TSPAN5: variants seen among roughly 807,000 people sequenced by gnomAD.
The protein encoded by TSPAN5 is tetraspanin-5.
Under a neutral mutation model 37.1 loss-of-function variants are expected in TSPAN5, and 10 were observed. The observed-to-expected ratio is 0.27, with a 90% CI of 0.17 to 0.46. The LOEUF (loss-of-function observed/expected upper bound fraction) is 0.46, where lower values mean the gene tolerates loss of function less well. Among genes scored for constraint, TSPAN5 ranks in the 20% least tolerant of loss-of-function variants. The pLI is 1.00. For synonymous variants in TSPAN5, 110 were observed against 118.9 expected, an observed-to-expected ratio of 0.93 and a Z score of 0.48; for missense variants, 195 against 326.6, an observed-to-expected ratio of 0.60 and a Z score of 3.11.
intron 1 of TSPAN5, among the ~76,000 whole-genome samples, chr4:98,636,688 T>C (rs1756862694): frequency 1.3e-5 from 2 of 152,198 alleles, no homozygotes. Flanking sequence ...GTAAAACTGC[T>C]GGAAAAAAAT....
intron 1 of TSPAN5, among the ~76,000 whole-genome samples, chr4:98,653,683 G>T (rs576658687): frequency 6.6e-6 from 1 of 152,202 alleles, no homozygotes; most frequent in East Asian, 1.9e-4. Flanking sequence ...CAACAGTAAT[G>T]ATATTCACTA....
chr4:98,600,439 C>A (rs1560553776), intron 1 of TSPAN5, among the ~76,000 whole-genome samples: 1 of 152,126 alleles, frequency 6.6e-6, no homozygotes, highest in East Asian at 1.9e-4. Flanking sequence ...CTTCTCAAAC[C>A]CTGTTTTATC....
Position 98,613,845 on chromosome 4 carries a change from T to G in TSPAN5, c.81+44301A>C, listed in dbSNP as rs540482620. ...GGTCGCTGTTACTACTAAATACCAG[T>G]TTTTCATTTCAAAGATTCCCCCCCC... is the stretch of plus-strand genomic sequence containing the variant. On this transcript the variant is annotated intron_variant, in intron 1 of 7. Coordinates refer to ENST00000305798, the MANE Select transcript of TSPAN5 (RefSeq NM_005723.4). Among the ~76,000 whole-genome samples the G allele has an allele frequency of 1.5e-3, 234 of 152,190 alleles. 1 individual carries two copies. Among genetic ancestry groups the G allele is most frequent in the Admixed American group, 5.4e-3 (83 of 15,292 alleles).
At chr4:98,511,044 C>T (rs996117889) in intron 1 of TSPAN5, among the ~76,000 whole-genome samples, 24 of 152,302 alleles carry the variant, frequency 1.6e-4, no homozygotes, top group Middle Eastern at 3.4e-3. Flanking sequence ...CATTCTGAAA[C>T]CCAGGGAGGC....
chr4:98,536,768 C>T (rs1381302486), intron 1 of TSPAN5, among the ~76,000 whole-genome samples: 1 of 152,252 alleles, frequency 6.6e-6, no homozygotes, highest in Non-Finnish European at 1.5e-5. Flanking sequence ...CCAGTTCGAA[C>T]TTCCCAGTGC....
intron 1 of TSPAN5, among the ~76,000 whole-genome samples, chr4:98,517,159 G>A (rs1753754100): frequency 6.6e-6 from 1 of 152,156 alleles, no homozygotes; most frequent in Non-Finnish European, 1.5e-5. Context: ...TGAGACTGAT[G>A]GTGCTCAGAG....
intron 1 of TSPAN5, among the ~76,000 whole-genome samples, chr4:98,527,069 G>A (rs1753978323): frequency 6.6e-6 from 1 of 152,152 alleles, no homozygotes; most frequent in Non-Finnish European, 1.5e-5. Context: ...CATCGACTGT[G>A]CTTAGTATCT....
intron 2 of TSPAN5, among the ~76,000 whole-genome samples, chr4:98,489,779 C>T (rs1753046822): frequency 6.6e-6 from 1 of 151,496 alleles, no homozygotes; most frequent in Admixed American, 6.6e-5. Context: ...ATAACACTCA[C>T]CGCATGCATG....
intron 1 of TSPAN5, among the ~76,000 whole-genome samples, chr4:98,580,041 T>C (rs1463064017): frequency 3.9e-5 from 6 of 152,228 alleles, no homozygotes; most frequent in Non-Finnish European, 7.3e-5. Context: ...TCTCTTCTTA[T>C]TAGTGATTCT....
chr4:98,635,778 G>C (rs1166268565), intron 1 of TSPAN5, among the ~76,000 whole-genome samples: 1 of 152,128 alleles, frequency 6.6e-6, no homozygotes, highest in Non-Finnish European at 1.5e-5. Context: ...CATCCACCTG[G>C]CCAGAAGAAA....
intron 1 of TSPAN5, among the ~76,000 whole-genome samples, chr4:98,528,955 T>C (rs1389360469): frequency 1.3e-5 from 2 of 152,132 alleles, no homozygotes; most frequent in Non-Finnish European, 2.9e-5. Flanking sequence ...CTGTTATTAT[T>C]CACATTTAAC....
chr4:98,572,612 T>C (rs1755151062), intron 1 of TSPAN5, among the ~76,000 whole-genome samples: 1 of 152,244 alleles, frequency 6.6e-6, no homozygotes, highest in Non-Finnish European at 1.5e-5. Context: ...TTCAAAGTGA[T>C]TAAAAGAAAA....
intron 1 of TSPAN5, among the ~76,000 whole-genome samples, chr4:98,602,850 C>A (rs1755913316): frequency 6.6e-6 from 1 of 152,174 alleles, no homozygotes; most frequent in South Asian, 2.1e-4. Flanking sequence ...TTCTTCCAAA[C>A]AGGCTCCTAA....
At chr4:98,608,489 C>T (rs1318238342) in intron 1 of TSPAN5, among the ~76,000 whole-genome samples, 1 of 152,082 alleles carries the variant, frequency 6.6e-6, no homozygotes, top group Admixed American at 6.5e-5. Flanking sequence ...GTTCCTAACC[C>T]CCTTATCTCT....
intron 5 of TSPAN5, among the ~76,000 whole-genome samples, chr4:98,478,034 G>A (rs1242930662): frequency 6.6e-6 from 1 of 152,178 alleles, no homozygotes; most frequent in Non-Finnish European, 1.5e-5. Context: ...TGTGGCAAAA[G>A]TGAGTGACTT....
chr4:98,650,299 G>A (rs528743372), intron 1 of TSPAN5, among the ~76,000 whole-genome samples: 54 of 152,202 alleles, frequency 3.5e-4, no homozygotes, highest in African/African-American at 1.2e-3. Flanking sequence ...TTACAAAAAC[G>A]TAGGAAGAGG....
At chr4:98,656,115 C>T (rs1358173467) in intron 1 of TSPAN5, among the ~76,000 whole-genome samples, 1 of 152,144 alleles carries the variant, frequency 6.6e-6, no homozygotes, top group East Asian at 1.9e-4. Context: ...AGAAAACATG[C>T]GGCTCTGTTC....
chr4:98,632,278 T>C (rs960743628), intron 1 of TSPAN5, among the ~76,000 whole-genome samples: 2 of 151,952 alleles, frequency 1.3e-5, no homozygotes, highest in African/African-American at 2.4e-5. Context: ...CATCTGTATA[T>C]GCTGCCAGAG....
chr4:98,599,193 T>A (rs1755826706), intron 1 of TSPAN5, among the ~76,000 whole-genome samples: 1 of 152,274 alleles, frequency 6.6e-6, no homozygotes, highest in South Asian at 2.1e-4. Flanking sequence ...CAAGCTGGAG[T>A]GCAGTGGCAT....
Sources: allele counts gnomAD v4.1 joint callset (sites outside exome capture counted in the v4.1 genomes callset), GRCh38; gene constraint gnomAD v4.1.1; transcripts MANE v1.5; gene names NCBI Gene and HGNC (gene_info 2026-07-23, HGNC 2026-07-21).